The following USH2A variants were observed in gnomAD, a reference collection of about 807,000 sequenced individuals.
USH2A encodes usherin, also known as Usher syndrome 2A (autosomal recessive, mild).
A neutral mutation model predicts 538.9 loss-of-function variants in USH2A; 443 were observed. The ratio of observed to expected loss-of-function variants is 0.82; its 90% confidence interval spans 0.76 to 0.89. USH2A has a LOEUF of 0.89. Ranked by LOEUF, USH2A falls within the 40% of genes least tolerant of loss-of-function variation. USH2A has a pLI of 0.00. For synonymous variants in USH2A, 2,413 were observed against 2,273.5 expected, an observed-to-expected ratio of 1.06 and a Z score of -1.75; for missense variants, 6,633 against 6,324.8, an observed-to-expected ratio of 1.05 and a Z score of -1.65.
At chr1:216,300,786 TG>T in intron 9 of USH2A, among the ~76,000 whole-genome samples, 2 of 150,194 alleles carry the variant, frequency 1.3e-5, no homozygotes, top group South Asian at 4.3e-4. Context: ...AGTCTTGCTC[TG>T]TTGCCCAGGT....
At chr1:216,349,377 A>C (rs2038234989) in intron 4 of USH2A, among the ~76,000 whole-genome samples, 3 of 152,118 alleles carry the variant, frequency 2.0e-5, no homozygotes, top group Admixed American at 2.0e-4. Context: ...CATCTTGAAT[A>C]GGGGCTCCGT....
intron 38 of USH2A, among the ~76,000 whole-genome samples, chr1:215,903,314 C>T (rs774193857): frequency 5.3e-5 from 8 of 151,764 alleles, no homozygotes; most frequent in Non-Finnish European, 8.8e-5. Flanking sequence ...GTGAAGACAA[C>T]GAGGGGGTAA....
chr1:215,838,483 G>A (rs566191952), intron 46 of USH2A, among the ~76,000 whole-genome samples: 8 of 152,208 alleles, frequency 5.3e-5, no homozygotes, highest in Non-Finnish European at 1.2e-4. Context: ...ACTAAGTAGT[G>A]TAATGATGGT....
intron 40 of USH2A, 108 bp from the exon 41 acceptor site, chr1:215,889,162 T>C: frequency 7.5e-7 from 1 of 1,325,850 alleles, no homozygotes; most frequent in Non-Finnish European, 1.1e-6. Flanking sequence ...AAATGAACAC[T>C]TGGTAAAGGC....
rs6674927 is a variant in USH2A at position 215,693,116 on chromosome 1, G to A, written c.12067-12740C>T. Among the ~76,000 whole-genome samples, 382 of 133,542 alleles carry A rather than the reference G, an allele frequency of 2.9e-3. 2 individuals carry two copies. Among genetic ancestry groups the A allele is most frequent in the African/African-American group, 4.9e-3 (180 of 36,560 alleles). 87.6% of individuals were successfully genotyped at this position (133,542 alleles called of 152,430 possible). On this transcript the variant is annotated intron_variant, in intron 61 of 71. Transcript: ENST00000307340. ...TATGTGTGTGTGTGTGTGTGTATGTGTATATATATATATATATACACACAC... is the reference window on the plus strand; with the variant it reads ...TATGTGTGTGTGTGTGTGTGTATGTATATATATATATATATATACACACAC...
intron 62 of USH2A, 122 bp from the exon 63 acceptor site, chr1:215,675,738 G>C: frequency 1.3e-6 from 2 of 1,549,664 alleles, no homozygotes; most frequent in Non-Finnish European, 8.7e-7. Flanking sequence ...TTTAGAAGAA[G>C]TATTCTGATA....
rs541611401 is a variant in USH2A, at chr1:215,993,107, T to C, written c.6718A>G (p.Ile2240Val). Residue 2240 changes from isoleucine (I) to valine (V), a missense_variant, in exon 35 of 72, where the codon ATA (isoleucine) becomes GTA (valine). Transcript: ENST00000307340. ...EASEALTDEDIPEGVPAPKAH... is the reference protein window; with the variant it reads ...EASEALTDEDVPEGVPAPKAH... ...TTGGGGGCTGGCACGCCTTCGGGTATGTCCTCGTCAGTTAGGGCCTCACTG... is the reference window on the plus strand; with the variant it reads ...TTGGGGGCTGGCACGCCTTCGGGTACGTCCTCGTCAGTTAGGGCCTCACTG... The C allele has an allele frequency of 5.6e-6, 9 of 1,614,060 alleles. No individual in the cohort carries two copies. In the South Asian group the frequency reaches 8.8e-5, roughly 16 times the overall value.
At chr1:215,640,254 T>A (rs974649127) in intron 68 of USH2A, among the ~76,000 whole-genome samples, 7 of 152,182 alleles carry the variant, frequency 4.6e-5, no homozygotes, top group African/African-American at 1.7e-4. Context: ...TGACTATGTA[T>A]GGGTGCTATT....
intron 32 of USH2A, among the ~76,000 whole-genome samples, chr1:216,043,826 A>C (rs1335226675): frequency 4.6e-5 from 7 of 152,098 alleles, no homozygotes; most frequent in Non-Finnish European, 7.4e-5. Flanking sequence ...CATTAGCTGC[A>C]CCACTTCCCT....
rs112153911 is a variant in USH2A, at chr1:215,693,116, G to GTGTA, written c.12067-12741_12067-12740insTACA. Among the ~76,000 whole-genome samples the GTGTA allele has an allele frequency of 6.1e-3, 817 of 133,510 alleles. 5 individuals are homozygous for GTGTA. Among genetic ancestry groups the GTGTA allele is most frequent in the African/African-American group, 0.021 (775 of 36,522 alleles). The allele number at this position is 133,510 out of a possible 152,430, so 87.6% of individuals were successfully genotyped here. A position where few individuals can be genotyped will look rare whatever the true frequency, so the allele number is the denominator to read the frequency against. On this transcript the variant is annotated intron_variant, in intron 61 of 71. Transcript: ENST00000307340. ...TATGTGTGTGTGTGTGTGTGTATGT[G>GTGTA]TATATATATATATATATACACACAC...
intron 4 of USH2A, among the ~76,000 whole-genome samples, chr1:216,331,247 T>A (rs2037857234): frequency 6.6e-6 from 1 of 152,158 alleles, no homozygotes; most frequent in Non-Finnish European, 1.5e-5. Context: ...ACTTGCCAAT[T>A]TTTTAACAAC....
At chr1:215,924,997 T>C (rs935956814) in intron 38 of USH2A, among the ~76,000 whole-genome samples, 1 of 152,230 alleles carries the variant, frequency 6.6e-6, no homozygotes. Flanking sequence ...TTTTCTAAGG[T>C]GTTTTTATAA....
chr1:216,046,037 G>A, intron 32 of USH2A, among the ~76,000 whole-genome samples: 1 of 151,364 alleles, frequency 6.6e-6, no homozygotes, highest in Non-Finnish European at 1.5e-5. Flanking sequence ...GTGTGTGTGT[G>A]TGTGTGTGTG....
chr1:216,204,919 GA>G (rs2035079161), intron 16 of USH2A, among the ~76,000 whole-genome samples: 1 of 152,092 alleles, frequency 6.6e-6, no homozygotes, highest in Non-Finnish European at 1.5e-5. Context: ...ATGGTTTTAG[GA>G]AATGATACCT....
At chr1:215,767,904 CT>C (rs1214971185) in intron 55 of USH2A, among the ~76,000 whole-genome samples, 1 of 152,080 alleles carries the variant, frequency 6.6e-6, no homozygotes, top group Admixed American at 6.6e-5. Flanking sequence ...CCAAAGCTCT[CT>C]TTGAGAAAAA....
chr1:215,910,305 T>A (rs1665748491), intron 38 of USH2A, among the ~76,000 whole-genome samples: 1 of 151,952 alleles, frequency 6.6e-6, no homozygotes, highest in African/African-American at 2.4e-5. Context: ...TGTAATGTCT[T>A]TATTTAGAGT....
intron 49 of USH2A, among the ~76,000 whole-genome samples, chr1:215,804,402 A>T (rs1662432535): frequency 6.6e-6 from 1 of 152,158 alleles, no homozygotes; most frequent in Admixed American, 6.6e-5. Flanking sequence ...AAGGGCTAAT[A>T]TCCAGAATCT....
chr1:216,276,966 G>T lies in USH2A; in HGVS notation c.1971+12314C>A, dbSNP rs144540593. Among the ~76,000 whole-genome samples the T allele has an allele frequency of 2.3e-3, 343 of 151,840 alleles. 1 individual carries two copies. The highest frequency in any genetic ancestry group is 8.0e-3 in the African/African-American group (331 of 41,418). On this transcript the variant is annotated intron_variant, in intron 11 of 71. Transcript: ENST00000307340. ...GTCAGTATCATCAAAAAGCACTAAG[G>T]GTCACTATGATGTAATGAATAATTT... is the stretch of plus-strand genomic sequence containing the variant.
At chr1:216,024,367 T>C (rs1668914027) in intron 32 of USH2A, among the ~76,000 whole-genome samples, 1 of 152,038 alleles carries the variant, frequency 6.6e-6, no homozygotes, top group South Asian at 2.1e-4. Flanking sequence ...GAGGATAACA[T>C]AAAACAAGTG....
Sources: gnomAD v4.1 joint callset for allele counts (sites outside exome capture counted in the v4.1 genomes callset) on GRCh38, gnomAD v4.1.1 for gene constraint, MANE v1.5 for transcripts, NCBI Gene and HGNC (gene_info 2026-07-23, HGNC 2026-07-21) for gene names.